The following CR1L variants were observed in gnomAD, a reference collection of about 807,000 sequenced individuals.
CR1L encodes complement C3b/C4b receptor 1 like, also known as complement component receptor 1-like protein.
A neutral mutation model predicts 62.3 loss-of-function variants in CR1L; 59 were observed. The ratio of observed to expected loss-of-function variants is 0.95; its 90% CI spans 0.77 to 1.18. The LOEUF (loss-of-function observed/expected upper bound fraction) is 1.18, where lower values mean the gene tolerates loss of function less well. CR1L is among the 50% of genes most tolerant of loss of function. The probability of loss-of-function intolerance (pLI) is 0.00; values close to 1 mark genes in which losing one functional copy is unlikely to be tolerated. For missense variants in CR1L, 700 were observed against 702.8 expected (o/e 1.00, Z 0.04); for synonymous variants, 279 against 248.7 (o/e 1.12, Z -1.15).
Position 207,697,757 on chromosome 1 carries a change from T to C in CR1L, c.1040-14T>C. ...ACATGCCAGTTATTTCTGTTCGTTT[T>C]TCTTTTTTTCCAGTGAAATCCTGTG... On this transcript the variant is annotated splice_polypyrimidine_tract_variant and intron_variant, in intron 6 of 11. Transcript: ENST00000508064. 6.2e-7 allele frequency: 1 copy of C among 1,614,044 alleles called. No individual in the cohort carries two copies. The highest frequency in any genetic ancestry group is 8.5e-7 in the Non-Finnish European group (1 of 1,179,894).
intron 1 of CR1L, chr1:207,655,269 T>C (rs1211330991): frequency 1.4e-6 from 1 of 716,410 alleles, no homozygotes. Context: ...GCCCCCAATA[T>C]GTGAAAGTAA....
At chr1:207,721,387 C>A (rs146995532) in intron 11 of CR1L, among the ~76,000 whole-genome samples, 2 of 140,358 alleles carry the variant, frequency 1.4e-5, no homozygotes, top group African/African-American at 5.3e-5. Flanking sequence ...ATTCCCCTTC[C>A]GTGTCCATGT....
chr1:207,710,313 A>C lies in CR1L; in HGVS notation c.1414+2050A>C. ...AGCCATGATCGTGCCACTGCACTCC[A>C]GCCTGGGCGACAGAGCAAGACTCTG... On this transcript the variant is annotated intron_variant, in intron 10 of 11. Transcript: ENST00000508064. 8.2e-6 allele frequency: 8 copies of C among 972,784 alleles called. No individual in the cohort carries two copies. In the South Asian group the frequency reaches 1.0e-4, roughly 12 times the overall value. 60.3% of individuals were successfully genotyped at this position (972,784 alleles called of 1,614,324 possible). A position where few individuals can be genotyped will look rare whatever the true frequency, so the allele number is the denominator to read the frequency against.
At chr1:207,669,675 A>G (rs1663579957) in intron 1 of CR1L, 1 of 660,094 alleles carries the variant, frequency 1.5e-6, no homozygotes, top group Admixed American at 3.2e-5. Context: ...CCCGGGTCCA[A>G]AGGCAGCGCG....
chr1:207,648,307 G>A (rs987828292), intron 1 of CR1L, among the ~76,000 whole-genome samples: 4 of 151,870 alleles, frequency 2.6e-5, no homozygotes, highest in Admixed American at 6.6e-5. Context: ...AATGAATAGG[G>A]TGCAACATGG....
chr1:207,687,809 T>G (rs939841305), intron 4 of CR1L, among the ~76,000 whole-genome samples: 9 of 152,258 alleles, frequency 5.9e-5, no homozygotes, highest in Non-Finnish European at 1.2e-4. Flanking sequence ...AGAAGTTGTT[T>G]AAATATTCTC....
intron 10 of CR1L, among the ~76,000 whole-genome samples, chr1:207,713,588 G>A (rs1373991722): frequency 1.3e-5 from 2 of 152,344 alleles, no homozygotes; most frequent in Middle Eastern, 3.4e-3. Context: ...TGGCTGCCGC[G>A]ACTACATGCT....
At chr1:207,684,532 A>G (rs1233226185) in intron 4 of CR1L, among the ~76,000 whole-genome samples, 5 of 152,238 alleles carry the variant, frequency 3.3e-5, no homozygotes, top group African/African-American at 4.8e-5. Context: ...AAATATTTTA[A>G]ACTATGGTTT....
In CR1L at chr1:207,697,689, C is replaced by T. The variant is rs767450552; in HGVS notation, c.1039+10C>T. The T allele has an allele frequency of 9.9e-6, 16 of 1,614,022 alleles. No homozygotes were observed. Among genetic ancestry groups the T allele is most frequent in the East Asian group, 2.2e-5 (1 of 44,894 alleles). On this transcript the variant is annotated intron_variant, in intron 6 of 11. Coordinates refer to ENST00000508064, the MANE Select transcript of CR1L (RefSeq NM_175710.2). The stretch of plus-strand genomic sequence containing the variant: ...GCCCCCAGATGTGAAGGTGACTAGA[C>T]TCTTATCTGGCTTGGTATTTTTAGC...
At chr1:207,674,865 T>G (rs903210513) in intron 1 of CR1L, among the ~76,000 whole-genome samples, 14 of 139,446 alleles carry the variant, frequency 1.0e-4, no homozygotes, top group African/African-American at 3.9e-4. Flanking sequence ...TTTATTCGTG[T>G]TTTTTTTTTT....
At chr1:207,659,888 C>A (rs1663381511) in intron 1 of CR1L, among the ~76,000 whole-genome samples, 1 of 152,262 alleles carries the variant, frequency 6.6e-6, no homozygotes, top group African/African-American at 2.4e-5. Flanking sequence ...GCCCACGGAG[C>A]CTTGCTCGCT....
In CR1L at chr1:207,686,448, C is replaced by T. The variant is rs74152328; in HGVS notation, c.463+2491C>T. ...GTCTTTGAAACATGTTGAAGTTTATCGAGCACTTTAGTTATATGTATCGAT... is the reference window on the plus strand; with the variant it reads ...GTCTTTGAAACATGTTGAAGTTTATTGAGCACTTTAGTTATATGTATCGAT... On this transcript the variant is annotated intron_variant, in intron 4 of 11. Coordinates refer to ENST00000508064, the MANE Select transcript of CR1L (RefSeq NM_175710.2). 7.0e-3 allele frequency among the ~76,000 whole-genome samples: 1,057 copies of T among 152,006 alleles called. 9 individuals carry two copies. Among genetic ancestry groups the T allele is most frequent in the African/African-American group, 0.024 (985 of 41,476 alleles).
At position 207,694,677 on chromosome 1, in the gene CR1L, G is replaced by T. The variant is rs72468038; in HGVS notation, c.788G>T (p.Gly263Val). ...GAGTTTAGGTGTCAGCCTGGCTTTG[G>T]CATGAAAGGGCCCTCCCATGTGAAG... is the stretch of plus-strand genomic sequence containing the variant. ...VVEFRCQPGF[G>V]MKGPSHVKCQ... Residue 263 changes from glycine (G) to valine (V), a missense_variant, in exon 5 of 12, where the codon GGC (glycine) becomes GTC (valine). Gly to Val is a moderately radical substitution (Grantham distance 109). Coordinates refer to ENST00000508064, the MANE Select transcript of CR1L (RefSeq NM_175710.2). 0.052 allele frequency: 84,208 copies of T among 1,611,818 alleles called. 2,694 individuals carry two copies. The highest frequency in any genetic ancestry group is 0.11 in the South Asian group (10,054 of 90,982).
intron 11 of CR1L, among the ~76,000 whole-genome samples, chr1:207,721,451 T>C (rs1654136125): frequency 2.6e-5 from 4 of 151,044 alleles, no homozygotes; most frequent in Non-Finnish European, 3.0e-5. Flanking sequence ...GTTTGGTTTT[T>C]CGTTCTTGCG....
chr1:207,716,822 C>T (rs1654009822), intron 10 of CR1L, among the ~76,000 whole-genome samples: 2 of 152,000 alleles, frequency 1.3e-5, no homozygotes, highest in Non-Finnish European at 1.5e-5. Flanking sequence ...TTAGAAGCAT[C>T]AAGTGCTTTT....
chr1:207,709,085 G>C, intron 10 of CR1L: 1 of 240,538 alleles, frequency 4.2e-6, no homozygotes, highest in Non-Finnish European at 8.2e-6. Flanking sequence ...TTCTGCCAGA[G>C]CTTTTGTTCT....
chr1:207,711,274 ATTC>A (rs549128046), intron 10 of CR1L: 572 of 177,676 alleles, frequency 3.2e-3, no homozygotes, highest in African/African-American at 0.013. Context: ...AGAGCTTACA[ATTC>A]TTCTACCAAC....
intron 10 of CR1L, among the ~76,000 whole-genome samples, chr1:207,714,500 T>C (rs964637834): frequency 6.6e-6 from 1 of 152,192 alleles, no homozygotes; most frequent in Non-Finnish European, 1.5e-5. Flanking sequence ...ATCCGCCCCA[T>C]CTGCCTGTGA....
chr1:207,679,659 A>G (rs1663764481), intron 3 of CR1L, among the ~76,000 whole-genome samples: 1 of 152,242 alleles, frequency 6.6e-6, no homozygotes, highest in Admixed American at 6.5e-5. Flanking sequence ...TGTTTATAAC[A>G]GCTTTATTCA....
Sources: gnomAD v4.1 joint callset for allele counts (sites outside exome capture counted in the v4.1 genomes callset) on GRCh38, gnomAD v4.1.1 for gene constraint, MANE v1.5 for transcripts, NCBI Gene and HGNC (gene_info 2026-07-23, HGNC 2026-07-21) for gene names.